The following NEK1 variants were observed in gnomAD, a reference collection of about 807,000 sequenced individuals.
The protein encoded by NEK1 is NIMA related kinase 1.
NEK1 carries 137 observed loss-of-function variants against 182.1 expected under a neutral mutation model. That is an observed-to-expected ratio of 0.75 (90% CI 0.65 to 0.87). The LOEUF is 0.87. Among genes scored for constraint, NEK1 ranks in the 40% least tolerant of loss-of-function variants. NEK1 has a pLI of 0.00. For synonymous variants in NEK1, 513 were observed against 492.2 expected, an observed-to-expected ratio of 1.04 and a Z score of -0.56; for missense variants, 1,391 against 1,494.4, an observed-to-expected ratio of 0.93 and a Z score of 1.14.
chr4:169,571,183 T>TAAATAAAA (rs1561437376), intron 12 of NEK1, among the ~76,000 whole-genome samples: 2 of 77,984 alleles, frequency 2.6e-5, no homozygotes, highest in Non-Finnish European at 5.4e-5. Flanking sequence ...AATAAAAAAA[T>TAAATAAAA]AAATAAATAA....
intron 19 of NEK1, among the ~76,000 whole-genome samples, chr4:169,509,338 C>T (rs17659247): frequency 0.085 from 12,978 of 152,082 alleles, 674 homozygotes; most frequent in East Asian, 0.17. Flanking sequence ...CAGGCATGTT[C>T]AGTTACTATA....
At chr4:169,583,266 CAA>C (rs113591219) in intron 10 of NEK1, among the ~76,000 whole-genome samples, 4,329 of 124,496 alleles carry the variant, frequency 0.035, 155 homozygotes, top group African/African-American at 0.1. Context: ...GACTCCATCT[CAA>C]AAAAAAAAAA....
chr4:169,606,718 T>C (rs1771402070), intron 2 of NEK1, among the ~76,000 whole-genome samples: 1 of 152,190 alleles, frequency 6.6e-6, no homozygotes, highest in Non-Finnish European at 1.5e-5. Context: ...ATCTAGGAGA[T>C]TAAGTGAAAG....
intron 16 of NEK1, among the ~76,000 whole-genome samples, chr4:169,557,492 C>T (rs1312432999): frequency 1.3e-5 from 2 of 151,752 alleles, no homozygotes; most frequent in African/African-American, 2.4e-5. Flanking sequence ...GAGAATAAGA[C>T]CACCAGATAT....
intron 27 of NEK1, among the ~76,000 whole-genome samples, chr4:169,453,030 A>G (rs967451539): frequency 1.3e-5 from 2 of 152,242 alleles, no homozygotes; most frequent in African/African-American, 4.8e-5. Flanking sequence ...AGACACACAC[A>G]GAGCCAAATC....
intron 23 of NEK1, among the ~76,000 whole-genome samples, chr4:169,494,326 C>A (rs1373879046): frequency 1.3e-5 from 2 of 152,074 alleles, no homozygotes; most frequent in African/African-American, 4.8e-5. Flanking sequence ...TCAATTCCCA[C>A]CTATGAGTGA....
intron 19 of NEK1, among the ~76,000 whole-genome samples, chr4:169,532,792 GA>G (rs11316293): frequency 0.99 from 148,235 of 150,088 alleles, 73,224 homozygotes; most frequent in East Asian, 1. Context: ...AAAAAAATAT[GA>G]AAAAAAAAAT....
intron 31 of NEK1, among the ~76,000 whole-genome samples, chr4:169,417,406 A>G (rs1427383434): frequency 1.3e-5 from 2 of 152,222 alleles, no homozygotes; most frequent in African/African-American, 4.8e-5. Flanking sequence ...ATAATACTAA[A>G]AAAGACTTCT....
At chr4:169,494,377 T>C (rs977895037) in intron 23 of NEK1, among the ~76,000 whole-genome samples, 2 of 152,206 alleles carry the variant, frequency 1.3e-5, no homozygotes, top group African/African-American at 4.8e-5. Flanking sequence ...GATAGTTTGC[T>C]GAGAATGATG....
intron 29 of NEK1, among the ~76,000 whole-genome samples, chr4:169,432,625 C>T (rs1286506339): frequency 6.6e-6 from 1 of 152,096 alleles, no homozygotes; most frequent in African/African-American, 2.4e-5. Context: ...AATCTGTGTA[C>T]ACTATACTAA....
At chr4:169,398,116 C>A (rs1731019005) in intron 35 of NEK1, among the ~76,000 whole-genome samples, 1 of 152,024 alleles carries the variant, frequency 6.6e-6, no homozygotes, top group African/African-American at 2.4e-5. Flanking sequence ...CTTTTCATTC[C>A]ATTATAGCAC....
chr4:169,525,716 T>C (rs922338796), intron 19 of NEK1, among the ~76,000 whole-genome samples: 1 of 152,204 alleles, frequency 6.6e-6, no homozygotes, highest in African/African-American at 2.4e-5. Flanking sequence ...ATATTTACTC[T>C]CTGGCCTTTT....
chr4:169,418,341 A>C (rs1478150317), intron 31 of NEK1, among the ~76,000 whole-genome samples: 1 of 152,232 alleles, frequency 6.6e-6, no homozygotes, highest in Non-Finnish European at 1.5e-5. Flanking sequence ...AATAACAAAA[A>C]AATCAGAGAC....
At chr4:169,542,441 G>A (rs956718043) in intron 18 of NEK1, among the ~76,000 whole-genome samples, 1 of 152,162 alleles carries the variant, frequency 6.6e-6, no homozygotes, top group East Asian at 1.9e-4. Flanking sequence ...TTGCTATTGT[G>A]AATAGTGCCA....
At chr4:169,590,830 T>C in intron 5 of NEK1, 21 bp from the exon 6 acceptor site, 1 of 1,487,386 alleles carries the variant, frequency 6.7e-7, no homozygotes, top group Non-Finnish European at 9.3e-7. Flanking sequence ...AAATCAGATC[T>C]GTCAAGCCTC....
intron 18 of NEK1, among the ~76,000 whole-genome samples, chr4:169,546,498 C>A (rs949210177): frequency 1.3e-5 from 2 of 152,148 alleles, no homozygotes; most frequent in Non-Finnish European, 2.9e-5. Flanking sequence ...TCTATTAGGT[C>A]CGCTCAGTCC....
intron 33 of NEK1, among the ~76,000 whole-genome samples, chr4:169,401,322 T>C (rs960261499): frequency 2.6e-5 from 4 of 152,190 alleles, no homozygotes; most frequent in Non-Finnish European, 5.9e-5. Context: ...CTGGTTAATA[T>C]ATGCAGAAGC....
intron 5 of NEK1, among the ~76,000 whole-genome samples, chr4:169,597,686 G>A (rs1769763259): frequency 6.6e-6 from 1 of 152,044 alleles, no homozygotes. Context: ...TGTAATCCCA[G>A]CACTTTGGGA....
intron 18 of NEK1, among the ~76,000 whole-genome samples, chr4:169,547,953 C>T (rs1479452608): frequency 1.3e-5 from 2 of 152,176 alleles, no homozygotes; most frequent in African/African-American, 2.4e-5. Flanking sequence ...TATTACCCAC[C>T]TCCTGAAGCC....
Sources: allele counts gnomAD v4.1 joint callset (sites outside exome capture counted in the v4.1 genomes callset), GRCh38; gene constraint gnomAD v4.1.1; transcripts MANE v1.5; gene names NCBI Gene and HGNC (gene_info 2026-07-23, HGNC 2026-07-21).